The following ADAMTS6 variants were observed in gnomAD, a reference collection of about 807,000 sequenced individuals.
The protein encoded by ADAMTS6 is A disintegrin and metalloproteinase with thrombospondin motifs 6.
In ADAMTS6, 23 loss-of-function variants were observed where a neutral mutation model predicts 144.3. That is an observed-to-expected ratio of 0.16 (90% CI 0.11 to 0.23). The LOEUF is 0.23. Among genes scored for constraint, ADAMTS6 ranks in the 10% least tolerant of loss-of-function variants. The pLI is 1.00. For missense variants in ADAMTS6, 999 were observed against 1,379.6 expected, an observed-to-expected ratio of 0.72 and a Z score of 4.37; for synonymous variants, 444 against 457.5, an observed-to-expected ratio of 0.97 and a Z score of 0.38.
chr5:65,378,366 C>T lies in ADAMTS6; in HGVS notation c.1074-44281G>A, dbSNP rs150963258. ...TATCCAATCAACCATCAATGCCTAT[C>T]AGTCTTTCTCTTTATTCTCATGGTA... On this transcript the variant is annotated intron_variant, in intron 7 of 24. Coordinates refer to ENST00000381055, the MANE Select transcript of ADAMTS6 (RefSeq NM_197941.4). 2.0e-4 allele frequency among the ~76,000 whole-genome samples: 30 copies of T among 152,246 alleles called. 1 individual carries two copies. The East Asian group carries it at 5.8e-3, about 29-fold the overall frequency.
At chr5:65,432,057 C>T (rs992483916) in intron 7 of ADAMTS6, among the ~76,000 whole-genome samples, 1 of 151,998 alleles carries the variant, frequency 6.6e-6, no homozygotes, top group East Asian at 1.9e-4. Flanking sequence ...TTATTTCTAT[C>T]AGCATTACTT....
chr5:65,260,267 TA>T (rs1251555733), intron 14 of ADAMTS6, among the ~76,000 whole-genome samples: 1 of 152,104 alleles, frequency 6.6e-6, no homozygotes, highest in Non-Finnish European at 1.5e-5. Flanking sequence ...TAAAATGGAA[TA>T]AAGGGCATAA....
intron 21 of ADAMTS6, among the ~76,000 whole-genome samples, chr5:65,192,495 T>G (rs181514525): frequency 6.1e-4 from 93 of 152,168 alleles, no homozygotes; most frequent in South Asian, 4.6e-3. Context: ...ACTCAAGGAT[T>G]CTTCACATGA....
At chr5:65,310,671 C>T (rs949221969) in intron 9 of ADAMTS6, among the ~76,000 whole-genome samples, 2 of 152,080 alleles carry the variant, frequency 1.3e-5, no homozygotes, top group Non-Finnish European at 2.9e-5. Context: ...ATACTGTTGG[C>T]ATTAGCAATT....
chr5:65,355,018 C>T (rs573724725), intron 7 of ADAMTS6, among the ~76,000 whole-genome samples: 1 of 151,864 alleles, frequency 6.6e-6, no homozygotes, highest in Non-Finnish European at 1.5e-5. Context: ...CTTCCAAAAA[C>T]ATTGGTATTC....
chr5:65,427,435 C>T (rs1261405037), intron 7 of ADAMTS6, among the ~76,000 whole-genome samples: 1 of 151,998 alleles, frequency 6.6e-6, no homozygotes, highest in Non-Finnish European at 1.5e-5. Flanking sequence ...CTCCAAGTGG[C>T]TAGGGTTACA....
chr5:65,414,168 C>A (rs995547554), intron 7 of ADAMTS6, among the ~76,000 whole-genome samples: 1 of 152,178 alleles, frequency 6.6e-6, no homozygotes, highest in Non-Finnish European at 1.5e-5. Flanking sequence ...TTTACTACTA[C>A]TCTTAGCTCA....
chr5:65,241,598 C>T (rs1759190609), intron 15 of ADAMTS6, among the ~76,000 whole-genome samples: 2 of 152,078 alleles, frequency 1.3e-5, no homozygotes, highest in Admixed American at 6.6e-5. Flanking sequence ...ACTTATTGAA[C>T]AATCAGTGCC....
At chr5:65,422,872 T>C (rs1197682298) in intron 7 of ADAMTS6, among the ~76,000 whole-genome samples, 1 of 152,120 alleles carries the variant, frequency 6.6e-6, no homozygotes, top group Non-Finnish European at 1.5e-5. Flanking sequence ...CAATTCAGAA[T>C]TGCAAAGATA....
chr5:65,411,565 A>G (rs981311666), intron 7 of ADAMTS6, among the ~76,000 whole-genome samples: 1 of 152,008 alleles, frequency 6.6e-6, no homozygotes, highest in African/African-American at 2.4e-5. Context: ...CCCATAGTCT[A>G]TCTGGTCCCT....
chr5:65,387,256 TATATTC>T (rs1402815336), intron 7 of ADAMTS6, among the ~76,000 whole-genome samples: 1 of 152,234 alleles, frequency 6.6e-6, no homozygotes, highest in Non-Finnish European at 1.5e-5. Context: ...AGTGCAAATA[TATATTC>T]ATATTCATAT....
At chr5:65,252,051 A>G (rs1760208046) in intron 14 of ADAMTS6, among the ~76,000 whole-genome samples, 1 of 152,186 alleles carries the variant, frequency 6.6e-6, no homozygotes, top group African/African-American at 2.4e-5. Context: ...TACTTGGCCT[A>G]TGTTGACTCT....
chr5:65,311,441 C>T lies in ADAMTS6; in HGVS notation c.1224-11310G>A, dbSNP rs546177922. Among the ~76,000 whole-genome samples, 25 of 152,124 alleles carry T rather than the reference C, an allele frequency of 1.6e-4. 2 individuals are homozygous for T. The highest frequency in any genetic ancestry group is 6.0e-4 in the African/African-American group (25 of 41,518). ...TCAGTCTATTGACATGCATGCTTTT[C>T]TGAAATATTTTAAACATTAAAGCAG... On this transcript the variant is annotated intron_variant, in intron 9 of 24. Transcript: ENST00000381055.
intron 9 of ADAMTS6, among the ~76,000 whole-genome samples, chr5:65,318,256 A>G (rs1745211319): frequency 6.6e-6 from 1 of 152,206 alleles, no homozygotes. Flanking sequence ...TGTAGAGAAA[A>G]GGGAATCCTC....
intron 18 of ADAMTS6, among the ~76,000 whole-genome samples, chr5:65,218,066 A>T (rs1757060100): frequency 6.6e-6 from 1 of 152,172 alleles, no homozygotes; most frequent in Non-Finnish European, 1.5e-5. Flanking sequence ...GAAGGCTGAC[A>T]TAGCTGGAAT....
chr5:65,339,543 AAAAAG>A (rs908318017), intron 7 of ADAMTS6, among the ~76,000 whole-genome samples: 13 of 151,796 alleles, frequency 8.6e-5, no homozygotes, highest in African/African-American at 3.1e-4. Context: ...GAAATGCCAG[AAAAAG>A]AATTCAAAAA....
At chr5:65,455,893 A>T (rs1319743891) in intron 4 of ADAMTS6, among the ~76,000 whole-genome samples, 3 of 152,024 alleles carry the variant, frequency 2.0e-5, no homozygotes, top group Non-Finnish European at 4.4e-5. Context: ...AATTTTCAAC[A>T]TTTTAGTTTT....
chr5:65,395,773 T>C lies in ADAMTS6; in HGVS notation c.1073+55702A>G, dbSNP rs895076049. Reference sequence around the variant, plus strand: ...TAAATCCCTGGTCCCATTTGCAACATTGAAAAGATATACCAAAAAAATCGT... The same window carrying C: ...TAAATCCCTGGTCCCATTTGCAACACTGAAAAGATATACCAAAAAAATCGT... On this transcript the variant is annotated intron_variant, in intron 7 of 24. Transcript: ENST00000381055. Among the ~76,000 whole-genome samples the C allele has an allele frequency of 3.9e-5, 6 of 152,258 alleles. 1 individual carries two copies. Among genetic ancestry groups the C allele is most frequent in the Middle Eastern group, 3.4e-3 (1 of 294 alleles).
At chr5:65,205,126 A>C (rs552361010) in intron 20 of ADAMTS6, among the ~76,000 whole-genome samples, 11 of 152,062 alleles carry the variant, frequency 7.2e-5, no homozygotes, top group East Asian at 3.9e-4. Context: ...TGAAAAAAAA[A>C]AACAACAACT....
Sources: allele counts gnomAD v4.1 joint callset (sites outside exome capture counted in the v4.1 genomes callset), GRCh38; gene constraint gnomAD v4.1.1; transcripts MANE v1.5; gene names NCBI Gene and HGNC (gene_info 2026-07-23, HGNC 2026-07-21).